NR3C1: variants seen among roughly 807,000 people sequenced by gnomAD.
The protein encoded by NR3C1 is nuclear receptor subfamily 3 group C member 1.
In NR3C1, 14 loss-of-function variants were observed where a neutral mutation model predicts 74.0. That is an observed-to-expected ratio of 0.19 (90% CI 0.12 to 0.30). The LOEUF (loss-of-function observed/expected upper bound fraction) is 0.30. Ranked by LOEUF, NR3C1 falls within the 10% of genes least tolerant of loss-of-function variation. The probability of loss-of-function intolerance (pLI) is 1.00; values close to 1 mark genes in which losing one functional copy is unlikely to be tolerated. For synonymous variants in NR3C1, 308 were observed against 332.5 expected (o/e 0.93, Z 0.80); for missense variants, 695 against 909.8 (o/e 0.76, Z 3.04).
chr5:143,346,983 C>T (rs1408747568), intron 2 of NR3C1, among the ~76,000 whole-genome samples: 1 of 152,204 alleles, frequency 6.6e-6, no homozygotes. Context: ...TGATTTACAA[C>T]ACAGGCTTTA....
At chr5:143,401,677 T>G (rs994696855) in intron 1 of NR3C1, among the ~76,000 whole-genome samples, 1 of 152,244 alleles carries the variant, frequency 6.6e-6, no homozygotes, top group Non-Finnish European at 1.5e-5. Flanking sequence ...ACATCTAGAT[T>G]AAGCTACATT....
rs138896520 is a variant in NR3C1 at position 143,295,587 on chromosome 5, C to T, written c.1896G>A (p.Gln632=). The change falls in exon 7 of 9, where the codon CAG becomes CAA. Residue 632 remains glutamine, a synonymous_variant. Coordinates refer to ENST00000394464, the MANE Select transcript of NR3C1 (RefSeq NM_000176.3). ...CGTACATGCAGGGTAGAGTCATTCT[C>T]TGCCTGTGAAAGATAAATAGCAGGG... The part of the protein sequence containing the change: ...CFAPDLIINE[Q]RMTLPCMYDQ... 1.9e-5 allele frequency: 31 copies of T among 1,611,942 alleles called. No homozygotes were observed. The highest frequency in any genetic ancestry group is 1.1e-4 in the East Asian group (5 of 44,782).
intron 1 of NR3C1, chr5:143,402,959 G>T: frequency 4.1e-6 from 3 of 725,202 alleles, no homozygotes; most frequent in Non-Finnish European, 5.1e-6. Flanking sequence ...GGCTCCGCTC[G>T]CCGTCCGAGG....
chr5:143,322,093 C>T (rs1823504310), intron 2 of NR3C1, among the ~76,000 whole-genome samples: 1 of 152,168 alleles, frequency 6.6e-6, no homozygotes. Flanking sequence ...TATAACCTCA[C>T]CATTACTTGG....
At chr5:143,285,120 C>CAA (rs888873886) in intron 7 of NR3C1, among the ~76,000 whole-genome samples, 1 of 150,796 alleles carries the variant, frequency 6.6e-6, no homozygotes, top group Non-Finnish European at 1.5e-5. Flanking sequence ...AGGAGGTACA[C>CAA]AAAGAAAGGC....
chr5:143,283,082 C>A (rs1000098622), intron 7 of NR3C1, among the ~76,000 whole-genome samples: 2 of 152,166 alleles, frequency 1.3e-5, no homozygotes, highest in African/African-American at 4.8e-5. Context: ...CTATGTTGCC[C>A]AGGCTGGTCT....
chr5:143,297,091 A>G (rs1412376964), intron 6 of NR3C1, among the ~76,000 whole-genome samples: 1 of 151,084 alleles, frequency 6.6e-6, no homozygotes, highest in East Asian at 1.9e-4. Context: ...AAAAAAAAAA[A>G]AAAAAGAAAA....
At chr5:143,296,335 T>G (rs551595545) in intron 6 of NR3C1, among the ~76,000 whole-genome samples, 106 of 152,084 alleles carry the variant, frequency 7.0e-4, no homozygotes, top group African/African-American at 2.4e-3. Flanking sequence ...AACAGAAAGG[T>G]TATTATTTTT....
chr5:143,332,969 A>G (rs1175703760), intron 2 of NR3C1: 2 of 1,586,508 alleles, frequency 1.3e-6, no homozygotes, highest in Admixed American at 3.3e-5. Context: ...AACGTGGACA[A>G]GCCAAGGTCA....
intron 2 of NR3C1, among the ~76,000 whole-genome samples, chr5:143,321,420 T>C (rs1007867458): frequency 2.6e-5 from 4 of 152,170 alleles, no homozygotes; most frequent in Admixed American, 6.5e-5. Flanking sequence ...TTCCTTCCCA[T>C]CCACTCTGAC....
Position 143,403,267 on chromosome 5 carries a change from T to A in NR3C1, c.-70A>T. 3.0e-6 allele frequency: 3 copies of A among 985,434 alleles called. No individual in the cohort carries two copies. Among genetic ancestry groups the A allele is most frequent in the Non-Finnish European group, 3.6e-6 (3 of 830,030 alleles). 61.0% of individuals were successfully genotyped at this position (985,434 alleles called of 1,614,324 possible). A position where few individuals can be genotyped will look rare whatever the true frequency, so the allele number is the denominator to read the frequency against. On this transcript the variant is annotated 5_prime_UTR_variant, in exon 1 of 9. Transcript: ENST00000394464. ...TCCGCAGTTCCCGCCGCAGCCGAGA[T>A]AAACAACTTAGCTTGTGAACGCAGA...
chr5:143,394,218 T>G (rs1366657210), intron 2 of NR3C1, among the ~76,000 whole-genome samples: 1 of 152,068 alleles, frequency 6.6e-6, no homozygotes, highest in Non-Finnish European at 1.5e-5. Context: ...TGTTTAAGCA[T>G]GCAGCTCTAT....
chr5:143,400,061 T>G lies in NR3C1; in HGVS notation c.779A>C (p.Asn260Thr), dbSNP rs1839971635. 1 of 1,614,078 alleles carries G rather than the reference T, an allele frequency of 6.2e-7. No individual in the cohort carries two copies. The highest frequency in any genetic ancestry group is 8.5e-7 in the Non-Finnish European group (1 of 1,180,038). Residue 260 changes from asparagine (N) to threonine (T), a missense_variant, in exon 2 of 9, where the codon AAT becomes ACT. Coordinates refer to ENST00000394464, the MANE Select transcript of NR3C1 (RefSeq NM_000176.3). ...GGGGCTTGACAAAACCAGATCTCCA[T>G]TATCCTTAATTTTGGGTTTAGTGTC... ...LPDTKPKIKD[N>T]GDLVLSSPSN...
chr5:143,404,137 C>T, upstream of NR3C1: 2 of 985,394 alleles, frequency 2.0e-6, no homozygotes, highest in Non-Finnish European at 2.4e-6. Context: ...AGTGCCCCTG[C>T]GGGTGACAGC....
At chr5:143,391,632 T>A (rs976559952) in intron 2 of NR3C1, among the ~76,000 whole-genome samples, 9 of 152,342 alleles carry the variant, frequency 5.9e-5, no homozygotes, top group African/African-American at 2.2e-4. Context: ...GATGGCATAC[T>A]TAATATCCCT....
chr5:143,279,375 T>A lies in NR3C1; in HGVS notation c.*2514A>T. The A allele has an allele frequency of 6.4e-7, 1 of 1,551,872 alleles. No individual in the cohort carries two copies. Among genetic ancestry groups the A allele is most frequent in the Middle Eastern group, 1.7e-4 (1 of 5,988 alleles). ...TGTTGGGATGAAAATCAGATTAATGTGTGAGATGTGCTTTCTGGTTTTAAC... is the reference window on the plus strand; with the variant it reads ...TGTTGGGATGAAAATCAGATTAATGAGTGAGATGTGCTTTCTGGTTTTAAC... On this transcript the variant is annotated 3_prime_UTR_variant, in exon 9 of 9. Transcript: ENST00000394464.
chr5:143,318,360 TTTGA>T (rs1329942608), intron 2 of NR3C1, among the ~76,000 whole-genome samples: 1 of 152,180 alleles, frequency 6.6e-6, no homozygotes, highest in Non-Finnish European at 1.5e-5. Flanking sequence ...TCAATGAACT[TTTGA>T]TTGTTACATT....
At chr5:143,434,635 G>C (rs1015796668) in exon 1 of NR3C1, 1 of 985,324 alleles carries the variant, frequency 1.0e-6, no homozygotes, top group African/African-American at 1.7e-5. Flanking sequence ...TAAAGCCCGA[G>C]GAGGGTAGGA....
In NR3C1 at chr5:143,334,790, T is replaced by C. The variant is rs965352305; in HGVS notation, c.1185-20622A>G. Among the ~76,000 whole-genome samples the C allele has an allele frequency of 6.6e-5, 10 of 151,962 alleles. No homozygotes were observed. In the South Asian group the frequency reaches 8.3e-4, roughly 13 times the overall value. On this transcript the variant is annotated intron_variant, in intron 2 of 8. Transcript: ENST00000394464. Reference sequence around the variant, plus strand: ...AAAGAGGGAGATCTTTTAAATTACATTGGAAGCAGTAAGTTTTCTTAGTTA... The same window carrying C: ...AAAGAGGGAGATCTTTTAAATTACACTGGAAGCAGTAAGTTTTCTTAGTTA...
Sources: gnomAD v4.1 joint callset for allele counts (sites outside exome capture counted in the v4.1 genomes callset) on GRCh38, gnomAD v4.1.1 for gene constraint, MANE v1.5 for transcripts, NCBI Gene and HGNC (gene_info 2026-07-23, HGNC 2026-07-21) for gene names.